The following SMC3 variants were observed in gnomAD, a reference collection of about 807,000 sequenced individuals.
SMC3 encodes structural maintenance of chromosomes 3.
In SMC3, 20 loss-of-function variants were observed where a neutral mutation model predicts 171.8. The observed-to-expected ratio is 0.12, with a 90% CI of 0.08 to 0.17. The LOEUF (loss-of-function observed/expected upper bound fraction) is 0.17, where lower values mean the gene tolerates loss of function less well. Among genes scored for constraint, SMC3 ranks in the 10% least tolerant of loss-of-function variants. The pLI is 1.00. For missense variants in SMC3, 543 were observed against 1,420.4 expected (o/e 0.38, Z 9.93); for synonymous variants, 464 against 451.1 (o/e 1.03, Z -0.36).
chr10:110,596,101 A>G (rs1422270213), intron 18 of SMC3, among the ~76,000 whole-genome samples: 2 of 151,414 alleles, frequency 1.3e-5, no homozygotes, highest in African/African-American at 4.9e-5. Context: ...GCACACCTGT[A>G]GTCCTAGCCA....
At chr10:110,595,325 C>T (rs1288422940) in intron 18 of SMC3, among the ~76,000 whole-genome samples, 1 of 152,126 alleles carries the variant, frequency 6.6e-6, no homozygotes, top group Non-Finnish European at 1.5e-5. Context: ...CTTCTCCCCA[C>T]CCAGAGAAAT....
chr10:110,593,364 G>A (rs1469115612), intron 18 of SMC3, 141 bp downstream of exon 18: 1 of 784,590 alleles, frequency 1.3e-6, no homozygotes, highest in Non-Finnish European at 2.1e-6. Context: ...CTGAAGTCAG[G>A]AGTTCAAGAC....
In SMC3 at chr10:110,604,422, T is replaced by A. The variant is rs1861436814; in HGVS notation, c.*120T>A. 7.2e-6 allele frequency: 5 copies of A among 699,274 alleles called. No homozygotes were observed. The highest frequency in any genetic ancestry group is 1.3e-5 in the Non-Finnish European group (5 of 388,130). 43.3% of individuals were successfully genotyped at this position (699,274 alleles called of 1,614,324 possible). On this transcript the variant is annotated 3_prime_UTR_variant, in exon 29 of 29. Coordinates refer to ENST00000361804, the MANE Select transcript of SMC3 (RefSeq NM_005445.4). ...AGTTTTCAGACTTAAAGCATCATAG[T>A]CCTTTTATATTTGTCTTTGTATTTT...
intron 13 of SMC3, among the ~76,000 whole-genome samples, chr10:110,588,786 T>TA (rs980795237): frequency 4.6e-5 from 7 of 152,218 alleles, no homozygotes; most frequent in Non-Finnish European, 8.8e-5. Flanking sequence ...AACAGCATCT[T>TA]ACGTTAGGTT....
At chr10:110,588,637 C>T (rs533291315) in intron 13 of SMC3, among the ~76,000 whole-genome samples, 76 of 152,272 alleles carry the variant, frequency 5.0e-4, no homozygotes, top group African/African-American at 1.8e-3. Flanking sequence ...ATGCCTGGTA[C>T]ATACTGGGGT....
chr10:110,599,582 A>G (rs1386018260), intron 20 of SMC3, 72 bp from the exon 21 acceptor site: 3 of 1,378,828 alleles, frequency 2.2e-6, no homozygotes, highest in African/African-American at 2.9e-5. Flanking sequence ...TCAAATATAG[A>G]TTGTTTTAAA....
rs185316054 is a variant in SMC3 at position 110,591,849 on chromosome 10, C to G, written c.1812+717C>G. ...AAGGGTCTGACTTTTTCTGCTATCA[C>G]ATCTACAAATTGTCTTTGAAGTTTG... On this transcript the variant is annotated intron_variant, in intron 17 of 28. Transcript: ENST00000361804. Among the ~76,000 whole-genome samples, 11 of 152,318 alleles carry G rather than the reference C, an allele frequency of 7.2e-5. No homozygotes were observed. In the East Asian group the frequency reaches 2.1e-3, roughly 29 times the overall value.
chr10:110,586,746 C>G (rs1018997539), intron 13 of SMC3, among the ~76,000 whole-genome samples: 2 of 152,150 alleles, frequency 1.3e-5, no homozygotes, highest in African/African-American at 4.8e-5. Context: ...CAACTTCTGC[C>G]TCCTGGGTTC....
intron 27 of SMC3, 70 bp from the exon 28 acceptor site, chr10:110,603,114 A>G: frequency 6.6e-7 from 1 of 1,522,648 alleles, no homozygotes; most frequent in Admixed American, 1.7e-5. Flanking sequence ...GTAAGAGTAA[A>G]GATAGTTGCT....
At chr10:110,574,398 G>A (rs1003294599) in intron 3 of SMC3, among the ~76,000 whole-genome samples, 19 of 152,148 alleles carry the variant, frequency 1.2e-4, no homozygotes, top group Non-Finnish European at 7.4e-5. Flanking sequence ...TTAAGGAGTA[G>A]GTTGAAAAAT....
chr10:110,588,330 G>A (rs1861156622), intron 13 of SMC3, among the ~76,000 whole-genome samples: 1 of 152,114 alleles, frequency 6.6e-6, no homozygotes, highest in African/African-American at 2.4e-5. Context: ...TTGACTTTTT[G>A]TCAGTGGAAT....
intron 19 of SMC3, among the ~76,000 whole-genome samples, chr10:110,596,819 T>G (rs1861307174): frequency 6.6e-6 from 1 of 150,466 alleles, no homozygotes; most frequent in Non-Finnish European, 1.5e-5. Flanking sequence ...AAGAGGAAAC[T>G]GAGAAGGATC....
At chr10:110,589,068 T>C (rs537945167) in intron 13 of SMC3, among the ~76,000 whole-genome samples, 8 of 152,194 alleles carry the variant, frequency 5.3e-5, no homozygotes, top group Admixed American at 5.2e-4. Context: ...TGGTGTGGTA[T>C]GCTCTTTTGC....
chr10:110,571,606 A>C (rs1337785733), intron 2 of SMC3, among the ~76,000 whole-genome samples: 1 of 152,172 alleles, frequency 6.6e-6, no homozygotes, highest in Admixed American at 6.5e-5. Context: ...GAGTACCTGA[A>C]TGTACTCCCA....
At chr10:110,584,929 A>T (rs1294674874) in intron 13 of SMC3, among the ~76,000 whole-genome samples, 1 of 147,482 alleles carries the variant, frequency 6.8e-6, no homozygotes, top group Non-Finnish European at 1.5e-5. Context: ...CCAGCTTAAA[A>T]TATGTTTTTA....
chr10:110,568,664 G>C (rs1408211622), intron 1 of SMC3, among the ~76,000 whole-genome samples: 1 of 151,958 alleles, frequency 6.6e-6, no homozygotes, highest in Non-Finnish European at 1.5e-5. Context: ...AGCTCACACA[G>C]TGTTTTTGAT....
In SMC3 at chr10:110,581,930, A is replaced by G. The variant is rs1490352678; in HGVS notation, c.555A>G (p.Lys185=). Residue 185 remains lysine, a synonymous_variant, in exon 9 of 29, where the codon AAA becomes AAG. Transcript: ENST00000361804. The part of the protein sequence containing the change: ...SISLMKETEG[K]REKINELLKY... ...CTCCCCATTTCTTTTAAGAGGGCAA[A>G]CGGGAAAAAATCAATGAGTTGTTAA... 1 of 1,613,626 alleles carries G rather than the reference A, an allele frequency of 6.2e-7. No individual in the cohort carries two copies. The highest frequency in any genetic ancestry group is 8.5e-7 in the Non-Finnish European group (1 of 1,179,632).
At chr10:110,585,266 C>T (rs186200294) in intron 13 of SMC3, among the ~76,000 whole-genome samples, 36 of 151,940 alleles carry the variant, frequency 2.4e-4, no homozygotes, top group African/African-American at 8.5e-4. Flanking sequence ...AGGCGTGAGC[C>T]ACCGTGCCCA....
intron 8 of SMC3, 84 bp downstream of exon 8, chr10:110,581,105 A>T: frequency 1.3e-6 from 1 of 798,096 alleles, no homozygotes; most frequent in Non-Finnish European, 2.3e-6. Context: ...GGAATATAGT[A>T]GGTGTTTAGT....
Sources: gnomAD v4.1 joint callset for allele counts (sites outside exome capture counted in the v4.1 genomes callset) on GRCh38, gnomAD v4.1.1 for gene constraint, MANE v1.5 for transcripts, NCBI Gene and HGNC (gene_info 2026-07-23, HGNC 2026-07-21) for gene names.